Variants in BIRC6 observed in about 807,000 individuals in gnomAD.
The protein encoded by BIRC6 is baculoviral IAP repeat containing 6, also known as dual E2 ubiquitin-conjugating enzyme/E3 ubiquitin-protein ligase BIRC6.
In BIRC6, 98 loss-of-function variants were observed where a neutral mutation model predicts 503.3. That is an observed-to-expected ratio of 0.19 (90% CI 0.17 to 0.23). BIRC6 has a LOEUF of 0.23. Among genes scored for constraint, BIRC6 ranks in the 10% least tolerant of loss-of-function variants. The probability of loss-of-function intolerance (pLI) is 1.00; values close to 1 mark genes in which losing one functional copy is unlikely to be tolerated. For missense variants in BIRC6, 5,360 were observed against 5,806.0 expected (o/e 0.92, Z 2.50); for synonymous variants, 2,240 against 2,078.7 (o/e 1.08, Z -2.11).
intron 65 of BIRC6, among the ~76,000 whole-genome samples, chr2:32,572,691 T>C (rs2059997316): frequency 6.6e-6 from 1 of 152,184 alleles, no homozygotes; most frequent in African/African-American, 2.4e-5. Context: ...GTTGTGACAT[T>C]GTTCATGGGT....
Position 32,488,600 on chromosome 2 carries a change from C to G in BIRC6, c.7981C>G (p.Leu2661Val). The G allele has an allele frequency of 6.6e-7, 1 of 1,525,526 alleles. No individual in the cohort carries two copies. Among genetic ancestry groups the G allele is most frequent in the Non-Finnish European group, 8.8e-7 (1 of 1,136,958 alleles). The allele number at this position is 1,525,526 out of a possible 1,614,324, so 94.5% of individuals were successfully genotyped here. ...CATTCTTTTTCAGTTGGAGTCACTT[C>G]TCCAATTGTGGCTCACACTGAGCCT... ...QVHHVQLESL[L>V]QLWLTLSLNS... is the part of the protein sequence containing the mutation. The change falls in exon 42 of 74, where the codon CTC (leucine) becomes GTC (valine). Residue 2661 changes from leucine to valine, a missense_variant. This residue lies in a region of BIRC6 where 2,299 missense variants were observed against 2,267.2 expected (regional missense o/e 1.01). Coordinates refer to ENST00000421745, the MANE Select transcript of BIRC6 (RefSeq NM_016252.4).
intron 9 of BIRC6, among the ~76,000 whole-genome samples, chr2:32,414,348 T>A (rs139141346): frequency 1.6e-3 from 247 of 151,920 alleles, no homozygotes; most frequent in Middle Eastern, 0.014. Context: ...GTAGAACCTG[T>A]GAATATGGAG....
chr2:32,516,131 A>G (rs575370645), intron 55 of BIRC6, among the ~76,000 whole-genome samples: 2 of 152,362 alleles, frequency 1.3e-5, no homozygotes, highest in Admixed American at 6.5e-5. Flanking sequence ...TTTTTGTGTA[A>G]CGAGATTGCC....
chr2:32,571,960 G>T (rs2059943470), intron 65 of BIRC6, among the ~76,000 whole-genome samples: 3 of 151,988 alleles, frequency 2.0e-5, no homozygotes, highest in Admixed American at 6.6e-5. Flanking sequence ...TTTTAAATTT[G>T]CCTTAATTTC....
chr2:32,435,612 C>T, intron 14 of BIRC6, 27 bp downstream of exon 14: 1 of 1,539,680 alleles, frequency 6.5e-7, no homozygotes, highest in Non-Finnish European at 8.7e-7. Context: ...AGCTGTTGTC[C>T]ATGACAGTAA....
chr2:32,436,411 A>C (rs1254668443), intron 15 of BIRC6, among the ~76,000 whole-genome samples: 2 of 152,116 alleles, frequency 1.3e-5, no homozygotes, highest in Non-Finnish European at 2.9e-5. Flanking sequence ...TTTTGAAAAA[A>C]CGTTGAAGAA....
Position 32,470,286 on chromosome 2 carries a change from C to T in BIRC6, c.6466C>T (p.His2156Tyr), listed in dbSNP as rs1239647020. The T allele has an allele frequency of 1.3e-6, 2 of 1,571,870 alleles. No homozygotes were observed. Among genetic ancestry groups the T allele is most frequent in the South Asian group, 1.2e-5 (1 of 85,084 alleles). Residue 2156 changes from histidine (H) to tyrosine (Y), a missense_variant, in exon 31 of 74, where the codon CAT becomes TAT. This residue lies in a region of BIRC6 where 2,299 missense variants were observed against 2,267.2 expected (regional missense o/e 1.01). Transcript: ENST00000421745. ...ACCTCTTCAGCCACAGTTACCCATG[C>T]ATAGGAGGACAGAAGGTATTAAGAG... ...LSPLQPQLPM[H>Y]RRTEGVLDIP... is the part of the protein sequence containing the mutation.
intron 12 of BIRC6, among the ~76,000 whole-genome samples, chr2:32,431,333 CTACAGGTGCG>C (rs1192180824): frequency 2.6e-5 from 4 of 151,236 alleles, no homozygotes; most frequent in Non-Finnish European, 5.9e-5. Flanking sequence ...GTAGCTGGGA[CTACAGGTGCG>C]CATCACCACG....
At chr2:32,504,855 G>C (rs2053625622) in intron 49 of BIRC6, 150 bp from the exon 50 acceptor site, 1 of 704,742 alleles carries the variant, frequency 1.4e-6, no homozygotes. Flanking sequence ...ATACCTTTAC[G>C]GTCATGCTTA....
chr2:32,395,216 T>C (rs1451994861), intron 5 of BIRC6, among the ~76,000 whole-genome samples: 1 of 152,182 alleles, frequency 6.6e-6, no homozygotes, highest in Non-Finnish European at 1.5e-5. Flanking sequence ...CTTTCTCTTA[T>C]ACTTAATATT....
Position 32,463,388 on chromosome 2 carries a change from G to C in BIRC6, c.4941+7G>C. ...TTTGAAGCTTCAGCAACAGGTTGGA[G>C]ACTATTTGGCTCTTTGTTCATGCTG... is the stretch of plus-strand genomic sequence containing the variant. On this transcript the variant is annotated splice_region_variant and intron_variant, in intron 24 of 73. Coordinates refer to ENST00000421745, the MANE Select transcript of BIRC6 (RefSeq NM_016252.4). 1 of 1,604,026 alleles carries C rather than the reference G, an allele frequency of 6.2e-7. No individual in the cohort carries two copies. Among genetic ancestry groups the C allele is most frequent in the Non-Finnish European group, 8.5e-7 (1 of 1,175,572 alleles).
Position 32,460,272 on chromosome 2 carries a change from A to ATTTTTTTTTTTTTTT in BIRC6, c.4754-2911_4754-2897dup, listed in dbSNP as rs70938346. Among the ~76,000 whole-genome samples, 4 of 18,820 alleles carry ATTTTTTTTTTTTTTT rather than the reference A, an allele frequency of 2.1e-4. 1 individual carries two copies. The highest frequency in any genetic ancestry group is 1.8e-4 in the Non-Finnish European group (2 of 10,906). 12.3% of individuals were successfully genotyped at this position (18,820 alleles called of 152,430 possible). ...TATATATATATATATATATATATATATTTTTTTTTTTTTTTTTTTTTTTTT... is the reference window on the plus strand; with the variant it reads ...TATATATATATATATATATATATATATTTTTTTTTTTTTTTTTTTTTTTTTTTTTTTTTTTTTTTT... On this transcript the variant is annotated intron_variant, in intron 23 of 73. Coordinates refer to ENST00000421745, the MANE Select transcript of BIRC6 (RefSeq NM_016252.4).
At chr2:32,591,767 G>A (rs1057315136) in intron 66 of BIRC6, among the ~76,000 whole-genome samples, 3 of 152,112 alleles carry the variant, frequency 2.0e-5, no homozygotes, top group Admixed American at 1.3e-4. Flanking sequence ...ACAAGTTACT[G>A]TTGTTTTCTT....
At chr2:32,498,217 C>T (rs2052720511) in intron 45 of BIRC6, among the ~76,000 whole-genome samples, 1 of 152,048 alleles carries the variant, frequency 6.6e-6, no homozygotes, top group South Asian at 2.1e-4. Flanking sequence ...TTCTGCTATG[C>T]TACTACACAC....
rs144999560 is a variant in BIRC6, at chr2:32,512,963, T to C, written c.10377T>C (p.Asp3459=). The C allele has an allele frequency of 3.7e-5, 60 of 1,614,004 alleles. No homozygotes were observed. In the African/African-American group the frequency reaches 7.9e-4, roughly 21 times the overall value. The change falls in exon 54 of 74, where the codon GAT becomes GAC. Residue 3459 remains aspartate (D), a synonymous_variant. Coordinates refer to ENST00000421745, the MANE Select transcript of BIRC6 (RefSeq NM_016252.4). The stretch of plus-strand genomic sequence containing the variant: ...AGGCCTTGTTAAAATGGGTTAGTGA[T>C]TCTGCAAGAGTGGCTGCTATGAAGA... The part of the protein sequence containing the change: ...RIQALLKWVS[D]SARVAAMKRS...
intron 61 of BIRC6, among the ~76,000 whole-genome samples, chr2:32,541,583 G>T (rs535004073): frequency 6.6e-5 from 10 of 152,202 alleles, no homozygotes; most frequent in Non-Finnish European, 1.2e-4. Flanking sequence ...GAATCATCCT[G>T]ATGTTTGAAG....
intron 61 of BIRC6, among the ~76,000 whole-genome samples, chr2:32,537,914 C>G (rs1264060646): frequency 6.6e-6 from 1 of 151,740 alleles, no homozygotes; most frequent in Non-Finnish European, 1.5e-5. Context: ...CTGCAGTGAG[C>G]CAAGATCGCA....
At chr2:32,522,823 T>C (rs2055872243) in intron 57 of BIRC6, 1 of 152,224 alleles carries the variant, frequency 6.6e-6, no homozygotes, top group South Asian at 2.1e-4. Context: ...TGTTGAAGTC[T>C]TGAAGACCCT....
At chr2:32,500,629 G>A (rs2053071359) in intron 46 of BIRC6, among the ~76,000 whole-genome samples, 1 of 113,106 alleles carries the variant, frequency 8.8e-6, no homozygotes, top group Non-Finnish European at 1.8e-5. Flanking sequence ...TTTTTGAGAT[G>A]AAGTCTTGCT....
Sources: gnomAD v4.1 joint callset for allele counts (sites outside exome capture counted in the v4.1 genomes callset) on GRCh38, gnomAD v4.1.1 for gene constraint, gnomAD v4.1.1 regional missense constraint, MANE v1.5 for transcripts, NCBI Gene and HGNC (gene_info 2026-07-23, HGNC 2026-07-21) for gene names.